NOX4: variants seen among roughly 807,000 people sequenced by gnomAD.
NOX4 encodes kidney oxidase-1.
A neutral mutation model predicts 87.6 loss-of-function variants in NOX4; 69 were observed. The ratio of observed to expected loss-of-function variants is 0.79; its 90% CI spans 0.65 to 0.96. NOX4 has a LOEUF of 0.96. Ranked by LOEUF, NOX4 falls within the 40% of genes least tolerant of loss-of-function variation. The probability of loss-of-function intolerance (pLI) is 0.00; values close to 1 mark genes in which losing one functional copy is unlikely to be tolerated. For synonymous variants in NOX4, 275 were observed against 238.2 expected (o/e 1.15, Z -1.42); for missense variants, 680 against 681.5 (o/e 1.00, Z 0.02).
rs76123906 is a variant in NOX4, at chr11:89,405,643, G to A, written c.630-3101C>T. Among the ~76,000 whole-genome samples, 1,009 of 147,448 alleles carry A rather than the reference G, an allele frequency of 6.8e-3. 13 individuals carry two copies. Among genetic ancestry groups the A allele is most frequent in the African/African-American group, 0.024 (937 of 39,738 alleles). On this transcript the variant is annotated intron_variant, in intron 8 of 17. Transcript: ENST00000263317. Reference sequence around the variant, plus strand: ...ATTCATCAAAAAAAAAAAAACTCAAGTATGACATCCCAGGTCATTTGGCTG... The same window carrying A: ...ATTCATCAAAAAAAAAAAAACTCAAATATGACATCCCAGGTCATTTGGCTG...
chr11:89,372,330 T>C (rs1333179640), intron 12 of NOX4, among the ~76,000 whole-genome samples: 1 of 152,004 alleles, frequency 6.6e-6, no homozygotes, highest in Non-Finnish European at 1.5e-5. Flanking sequence ...TACTCTAATA[T>C]TTTGCTGAGG....
At position 89,452,156 on chromosome 11, in the gene NOX4, A is replaced by G. The variant is rs797021609; in HGVS notation, c.154-261T>C. ...CAATCACCTGAAAACACTGTTTCCA[A>G]AGAAACTCCATTTCTTGTTCTGCCC... On this transcript the variant is annotated intron_variant, in intron 2 of 17. Transcript: ENST00000263317. Among the ~76,000 whole-genome samples, 9 of 152,278 alleles carry G rather than the reference A, an allele frequency of 5.9e-5. 1 individual carries two copies. The highest frequency in any genetic ancestry group is 1.9e-4 in the African/African-American group (8 of 41,564).
At chr11:89,437,227 G>A (rs1369460281) in intron 6 of NOX4, among the ~76,000 whole-genome samples, 13 of 152,028 alleles carry the variant, frequency 8.6e-5, no homozygotes, top group Non-Finnish European at 1.5e-4. Flanking sequence ...ACTTAGCCGG[G>A]CATGGTGACG....
chr11:89,419,815 G>C (rs1338475038), intron 8 of NOX4, among the ~76,000 whole-genome samples: 2 of 151,848 alleles, frequency 1.3e-5, no homozygotes, highest in Non-Finnish European at 2.9e-5. Context: ...AAGTCTGTTT[G>C]AAATGCTGAT....
At chr11:89,414,263 C>T (rs377516094) in intron 8 of NOX4, among the ~76,000 whole-genome samples, 5 of 151,914 alleles carry the variant, frequency 3.3e-5, no homozygotes, top group East Asian at 3.9e-4. Context: ...TACTTGGGTT[C>T]GTTTATGTAT....
intron 2 of NOX4, among the ~76,000 whole-genome samples, chr11:89,477,586 T>A (rs538006833): frequency 6.6e-6 from 1 of 152,188 alleles, no homozygotes; most frequent in Non-Finnish European, 1.5e-5. Context: ...AAGAAGAAAG[T>A]AAAAGGAAGT....
At chr11:89,414,220 A>G (rs574720968) in intron 8 of NOX4, among the ~76,000 whole-genome samples, 1 of 152,092 alleles carries the variant, frequency 6.6e-6, no homozygotes, top group Non-Finnish European at 1.5e-5. Context: ...TGTGTGGGAT[A>G]GCAAAACTAT....
At chr11:89,488,785 A>G in intron 2 of NOX4, 1 of 478,072 alleles carries the variant, frequency 2.1e-6, no homozygotes, top group African/African-American at 2.0e-5. Flanking sequence ...CGTCCTATTC[A>G]TTAAGTTACA....
At chr11:89,541,435 A>G in the NOX4 span, among the ~76,000 whole-genome samples, 1 of 152,136 alleles carries the variant, frequency 6.6e-6, no homozygotes, top group Non-Finnish European at 1.5e-5. Flanking sequence ...CCAGGTCTCA[A>G]TGCCAACATA....
intron 11 of NOX4, among the ~76,000 whole-genome samples, chr11:89,378,454 C>G (rs1173166768): frequency 6.6e-6 from 1 of 152,094 alleles, no homozygotes; most frequent in Non-Finnish European, 1.5e-5. Flanking sequence ...ATTAGTACGA[C>G]TCTTATGCTC....
At chr11:89,533,035 T>C in the NOX4 span, among the ~76,000 whole-genome samples, 1 of 152,174 alleles carries the variant, frequency 6.6e-6, no homozygotes, top group Non-Finnish European at 1.5e-5. Context: ...GAGTCTCAGG[T>C]ACTTCTTCAT....
In NOX4 at chr11:89,378,939, G is replaced by A. The variant is rs530695719; in HGVS notation, c.1075-5447C>T. On this transcript the variant is annotated intron_variant, in intron 11 of 17. Coordinates refer to ENST00000263317, the MANE Select transcript of NOX4 (RefSeq NM_016931.5). Reference sequence around the variant, plus strand: ...GACAAATTAAAACTTTAATGCTTTTGCATTTGTATGAAAGAAAAAAGTGTT... The same window carrying A: ...GACAAATTAAAACTTTAATGCTTTTACATTTGTATGAAAGAAAAAAGTGTT... Among the ~76,000 whole-genome samples the A allele has an allele frequency of 1.4e-4, 21 of 152,126 alleles. No homozygotes were observed. In the South Asian group the frequency reaches 1.5e-3, roughly 11 times the overall value.
chr11:89,525,950 A>T, the NOX4 span, among the ~76,000 whole-genome samples: 1 of 152,162 alleles, frequency 6.6e-6, no homozygotes, highest in South Asian at 2.1e-4. Flanking sequence ...GTTTTATATA[A>T]ATATTTGTTG....
the NOX4 span, among the ~76,000 whole-genome samples, chr11:89,512,248 G>A: frequency 1.3e-5 from 2 of 151,984 alleles, no homozygotes; most frequent in East Asian, 1.9e-4. Context: ...AAAATTTGCT[G>A]TGTCCTTTTC....
At chr11:89,576,217 G>A in the NOX4 span, among the ~76,000 whole-genome samples, 13 of 152,110 alleles carry the variant, frequency 8.5e-5, no homozygotes, top group African/African-American at 2.9e-4. Context: ...AAAAGGAAGG[G>A]AAAAACAATG....
At chr11:89,512,928 G>A in the NOX4 span, among the ~76,000 whole-genome samples, 1 of 152,194 alleles carries the variant, frequency 6.6e-6, no homozygotes, top group East Asian at 1.9e-4. Context: ...ATCTAGCAGA[G>A]TTCTGAGAAC....
chr11:89,469,780 C>A (rs1187050417), intron 2 of NOX4, among the ~76,000 whole-genome samples: 1 of 152,150 alleles, frequency 6.6e-6, no homozygotes, highest in Non-Finnish European at 1.5e-5. Flanking sequence ...TACTGTTACC[C>A]AATCAACAAA....
At position 89,386,836 on chromosome 11, in the gene NOX4, G is replaced by A. The variant is rs995864470; in HGVS notation, c.1074+13181C>T. Among the ~76,000 whole-genome samples the A allele has an allele frequency of 2.5e-4, 38 of 151,862 alleles. 1 individual carries two copies. Among genetic ancestry groups the A allele is most frequent in the Admixed American group, 2.0e-3 (30 of 15,278 alleles). ...CCCCTTGGACACTCTCTAATTGGAT[G>A]TCCTGGGTCCTCCCAATTCTTAGTC... On this transcript the variant is annotated intron_variant, in intron 11 of 17. Coordinates refer to ENST00000263317, the MANE Select transcript of NOX4 (RefSeq NM_016931.5).
At chr11:89,344,690 A>T (rs1334277467) in intron 13 of NOX4, among the ~76,000 whole-genome samples, 1 of 152,166 alleles carries the variant, frequency 6.6e-6, no homozygotes, top group Admixed American at 6.6e-5. Flanking sequence ...TTCACTGTTA[A>T]TCCACACAAC....
Sources: allele counts gnomAD v4.1 joint callset (sites outside exome capture counted in the v4.1 genomes callset), GRCh38; gene constraint gnomAD v4.1.1; transcripts MANE v1.5; gene names NCBI Gene and HGNC (gene_info 2026-07-23, HGNC 2026-07-21).